IRAG2: variants seen among roughly 807,000 people sequenced by gnomAD.
IRAG2 encodes the protein inositol 1,4,5-triphosphate receptor associated 2.
IRAG2 carries 45 observed loss-of-function variants against 69.9 expected under a neutral mutation model. The observed-to-expected ratio is 0.64, with a 90% CI of 0.51 to 0.83. The LOEUF is 0.83. Ranked by LOEUF, IRAG2 falls within the 40% of genes least tolerant of loss-of-function variation. The pLI is 0.00. For synonymous variants in IRAG2, 193 were observed against 202.4 expected (o/e 0.95, Z 0.40); for missense variants, 520 against 587.0 (o/e 0.89, Z 1.18).
At chr12:25,102,351 T>C (rs1948806168) in intron 17 of IRAG2, 110 bp downstream of exon 17, 1 of 786,704 alleles carries the variant, frequency 1.3e-6, no homozygotes, top group African/African-American at 1.7e-5. Flanking sequence ...GTGATTTTAA[T>C]TCATATAGAT....
At chr12:25,044,991 T>G (rs915972726) in intron 16 of IRAG2, among the ~76,000 whole-genome samples, 1 of 152,118 alleles carries the variant, frequency 6.6e-6, no homozygotes, top group Admixed American at 6.5e-5. Context: ...TTCTTCAGGA[T>G]AGACCACACA....
rs1375802544 is a variant in IRAG2, at chr12:25,004,420, AAG to A, written c.85_86del (p.Glu29SerfsTer15). ...CTGTAGAAAGATCAGAGCCATCCAC[AAG>A]AGAGAAGCAATTTCAAATCCAATTC... On this transcript the variant is annotated frameshift_variant, in exon 1 of 39. Coordinates refer to the IRAG2 transcript ENST00000636465. LOFTEE classifies it high-confidence loss of function. 8.1e-7 allele frequency: 1 copy of A among 1,232,040 alleles called. No homozygotes were observed. The highest frequency in any genetic ancestry group is 1.6e-5 in the African/African-American group (1 of 64,410). The allele number at this position is 1,232,040 out of a possible 1,614,324, so 76.3% of individuals were successfully genotyped here. A position where few individuals can be genotyped will look rare whatever the true frequency, so the allele number is the denominator to read the frequency against.
chr12:25,090,184 TA>T lies in IRAG2; in HGVS notation c.597del (p.Lys199AsnfsTer3), dbSNP rs1565578572. ...ENLKKEITNC[L>X]KLLESLTPLC... ...TTGAAGAAAGAAATCACTAACTGTT[TA>T]AAACTATTAGAGGTGAGAATCAGAA... On this transcript the variant is annotated frameshift_variant, in exon 14 of 22. Coordinates refer to ENST00000556887, the MANE Select transcript of IRAG2 (RefSeq NM_001366544.2). LOFTEE classifies it high-confidence loss of function. The T allele has an allele frequency of 6.2e-7, 1 of 1,613,514 alleles. No individual in the cohort carries two copies. Among genetic ancestry groups the T allele is most frequent in the Admixed American group, 1.7e-5 (1 of 59,978 alleles).
In IRAG2 at chr12:25,108,039, C is replaced by A. The variant is rs997483238; in HGVS notation, c.1479C>A (p.His493Gln). ...HILWPFTRLR[H>Q]NGPPPV The stretch of plus-strand genomic sequence containing the variant: ...TGTGGCCATTTACCAGACTCCGACA[C>A]AATGGGCCACCACCAGTGTGACAGC... The change falls in exon 22 of 22, where the codon CAC becomes CAA. Residue 493 changes from histidine (H) to glutamine (Q), a missense_variant. By Grantham distance (24) the His-to-Gln change is conservative (BLOSUM62 0). Transcript: ENST00000556887. 1 of 1,613,810 alleles carries A rather than the reference C, an allele frequency of 6.2e-7. No individual in the cohort carries two copies. Among genetic ancestry groups the A allele is most frequent in the Non-Finnish European group, 8.5e-7 (1 of 1,179,942 alleles).
At chr12:25,086,293 G>A (rs372899804) in intron 10 of IRAG2, among the ~76,000 whole-genome samples, 1 of 152,054 alleles carries the variant, frequency 6.6e-6, no homozygotes. Context: ...TATGGGAAAC[G>A]GTAGATACCC....
At chr12:25,037,905 G>T in intron 15 of IRAG2, 1 of 397,880 alleles carries the variant, frequency 2.5e-6, no homozygotes, top group South Asian at 1.3e-4. Flanking sequence ...CAGCTTTTTA[G>T]ATTGCCTCTG....
chr12:25,018,515 TC>T (rs1944551208), intron 6 of IRAG2, among the ~76,000 whole-genome samples: 1 of 152,018 alleles, frequency 6.6e-6, no homozygotes, highest in Admixed American at 6.6e-5. Flanking sequence ...GTCATATGTT[TC>T]ACTAAAGCAT....
At chr12:25,009,305 C>CA (rs35304100) in intron 2 of IRAG2, among the ~76,000 whole-genome samples, 3 of 152,212 alleles carry the variant, frequency 2.0e-5, no homozygotes, top group South Asian at 2.1e-4. Context: ...GACTCTGTCT[C>CA]AAAAAATCCC....
chr12:25,020,938 G>A, intron 7 of IRAG2: 1 of 1,129,544 alleles, frequency 8.9e-7, no homozygotes, highest in Non-Finnish European at 1.1e-6. Flanking sequence ...CTTTGAATTT[G>A]GCGTATAATT....
chr12:25,028,602 A>G (rs2139844649), intron 9 of IRAG2, among the ~76,000 whole-genome samples: 1 of 152,312 alleles, frequency 6.6e-6, no homozygotes, highest in Non-Finnish European at 1.5e-5. Flanking sequence ...TAAAAAGTCT[A>G]TATTTCATAC....
chr12:25,043,751 G>A (rs1050015965), intron 16 of IRAG2, among the ~76,000 whole-genome samples: 1 of 152,182 alleles, frequency 6.6e-6, no homozygotes, highest in Non-Finnish European at 1.5e-5. Flanking sequence ...GATTTCTCCG[G>A]TATGAGACCA....
intron 2 of IRAG2, among the ~76,000 whole-genome samples, chr12:25,007,365 T>G (rs896693836): frequency 2.6e-5 from 4 of 152,256 alleles, no homozygotes; most frequent in Non-Finnish European, 4.4e-5. Context: ...TCAAAATTTC[T>G]CATTTGTGTG....
chr12:25,053,956 A>C (rs1164554479), intron 1 of IRAG2, among the ~76,000 whole-genome samples: 6 of 152,078 alleles, frequency 3.9e-5, no homozygotes, highest in African/African-American at 1.4e-4. Flanking sequence ...GGTTTGCCGG[A>C]CACAGTGGCT....
the IRAG2 span, among the ~76,000 whole-genome samples, chr12:24,999,308 C>T: frequency 2.0e-5 from 3 of 152,086 alleles, no homozygotes; most frequent in Non-Finnish European, 4.4e-5. Flanking sequence ...AGAATCAAAT[C>T]GGACTTGTTT....
intron 1 of IRAG2, among the ~76,000 whole-genome samples, chr12:25,053,341 C>T (rs1944980320): frequency 6.6e-6 from 1 of 151,386 alleles, no homozygotes; most frequent in African/African-American, 2.4e-5. Context: ...TTTTTCCTCT[C>T]ATATGGTAGA....
At chr12:25,088,072 G>A in intron 10 of IRAG2, 28 bp from the exon 11 acceptor site, 1 of 1,505,460 alleles carries the variant, frequency 6.6e-7, no homozygotes, top group South Asian at 1.1e-5. Context: ...TCCACTCTAT[G>A]TACAGTGGTA....
intron 11 of IRAG2, among the ~76,000 whole-genome samples, chr12:25,088,825 T>G (rs539791719): frequency 6.6e-6 from 1 of 152,262 alleles, no homozygotes; most frequent in East Asian, 1.9e-4. Flanking sequence ...AACAGAAGGT[T>G]TGCTGTGAGG....
rs1491372011 is a variant in IRAG2, at chr12:25,077,184, TGA to T, written c.25-2059_25-2058del. 8.1e-4 allele frequency among the ~76,000 whole-genome samples: 93 copies of T among 114,194 alleles called. 3 individuals carry two copies. Among genetic ancestry groups the T allele is most frequent in the Middle Eastern group, 4.3e-3 (1 of 234 alleles). The allele number at this position is 114,194 out of a possible 152,430, so 74.9% of individuals were successfully genotyped here. On this transcript the variant is annotated intron_variant, in intron 6 of 21. Transcript: ENST00000556887. ...GTGCCTTGTTCATTTCATATATATA[TGA>T]TATATATATGAAATATATATATGAT...
At chr12:25,064,638 AAGT>A (rs1202810606) in intron 4 of IRAG2, among the ~76,000 whole-genome samples, 2 of 152,222 alleles carry the variant, frequency 1.3e-5, no homozygotes, top group Non-Finnish European at 2.9e-5. Context: ...TAAAGAGAAA[AAGT>A]AGAGTGATTT....
Sources: gnomAD v4.1 joint callset for allele counts (sites outside exome capture counted in the v4.1 genomes callset) on GRCh38, gnomAD v4.1.1 for gene constraint, MANE v1.5 for transcripts, NCBI Gene and HGNC (gene_info 2026-07-23, HGNC 2026-07-21) for gene names.